Variants in SEMA5A observed in about 807,000 individuals in gnomAD.
SEMA5A encodes the protein semaphorin-5A.
A neutral mutation model predicts 135.5 loss-of-function variants in SEMA5A; 55 were observed. That is an observed-to-expected ratio of 0.41 (90% CI 0.33 to 0.51). The LOEUF (loss-of-function observed/expected upper bound fraction) is 0.51. SEMA5A is among the 20% of genes least tolerant of loss of function. SEMA5A has a pLI of 0.37. For synonymous variants in SEMA5A, 580 were observed against 546.5 expected, an observed-to-expected ratio of 1.06 and a Z score of -0.85; for missense variants, 1,290 against 1,419.9, an observed-to-expected ratio of 0.91 and a Z score of 1.47.
chr5:9,267,552 A>C (rs1646136263), intron 5 of SEMA5A, among the ~76,000 whole-genome samples: 1 of 152,160 alleles, frequency 6.6e-6, no homozygotes, highest in Admixed American at 6.5e-5. Context: ...CAGACCCTGA[A>C]ATCTTCCTCC....
intron 5 of SEMA5A, among the ~76,000 whole-genome samples, chr5:9,275,680 T>C (rs911885825): frequency 2.0e-5 from 3 of 152,132 alleles, no homozygotes; most frequent in African/African-American, 7.2e-5. Flanking sequence ...TGGTTCAACA[T>C]ACACAAATCA....
intron 5 of SEMA5A, among the ~76,000 whole-genome samples, chr5:9,242,997 T>C (rs921311290): frequency 6.6e-6 from 1 of 152,164 alleles, no homozygotes; most frequent in African/African-American, 2.4e-5. Flanking sequence ...TAACACCACA[T>C]TAAACTTACA....
At chr5:9,107,036 T>C (rs1007626385) in intron 16 of SEMA5A, among the ~76,000 whole-genome samples, 1 of 152,210 alleles carries the variant, frequency 6.6e-6, no homozygotes, top group Non-Finnish European at 1.5e-5. Context: ...GGTTTTTGCA[T>C]GTCACAAAAG....
chr5:9,253,627 T>C (rs1384226905), intron 5 of SEMA5A, among the ~76,000 whole-genome samples: 2 of 152,200 alleles, frequency 1.3e-5, no homozygotes, highest in Non-Finnish European at 2.9e-5. Flanking sequence ...TTTATGTTCC[T>C]ACTAATACAC....
chr5:9,386,962 C>T (rs187275644), intron 2 of SEMA5A, among the ~76,000 whole-genome samples: 7 of 152,300 alleles, frequency 4.6e-5, no homozygotes, highest in Admixed American at 3.9e-4. Flanking sequence ...GAGTCAAGGA[C>T]TCCCAGAATT....
At chr5:9,159,852 C>G (rs1743154224) in intron 11 of SEMA5A, among the ~76,000 whole-genome samples, 1 of 152,180 alleles carries the variant, frequency 6.6e-6, no homozygotes, top group Non-Finnish European at 1.5e-5. Flanking sequence ...TACATATACA[C>G]CATGGAATAC....
intron 8 of SEMA5A, among the ~76,000 whole-genome samples, chr5:9,209,263 C>A (rs1000346558): frequency 6.6e-6 from 1 of 152,190 alleles, no homozygotes; most frequent in African/African-American, 2.4e-5. Flanking sequence ...TGCTCTTATT[C>A]CATTCCAAGC....
intron 5 of SEMA5A, among the ~76,000 whole-genome samples, chr5:9,257,453 T>C (rs947920258): frequency 6.6e-6 from 1 of 151,896 alleles, no homozygotes; most frequent in Non-Finnish European, 1.5e-5. Context: ...AGATCTTTTT[T>C]TTTTCCATTC....
chr5:9,407,486 A>C (rs1756932931), intron 2 of SEMA5A, among the ~76,000 whole-genome samples: 1 of 152,222 alleles, frequency 6.6e-6, no homozygotes, highest in Admixed American at 6.5e-5. Flanking sequence ...TGGTAAATGA[A>C]GTGAACATTG....
rs148154413 is a variant in SEMA5A at position 9,341,014 on chromosome 5, A to G, written c.125-3202T>C. Among the ~76,000 whole-genome samples the G allele has an allele frequency of 1.2e-4, 19 of 152,156 alleles. No homozygotes were observed. The East Asian group carries it at 2.1e-3, about 17-fold the overall frequency. On this transcript the variant is annotated intron_variant, in intron 3 of 22. Transcript: ENST00000382496. ...CCTAGGCTTTCCTCTAAAATCTCCAATGTTACCTAGTCCCTTTCCCTCTGC... is the reference window on the plus strand; with the variant it reads ...CCTAGGCTTTCCTCTAAAATCTCCAGTGTTACCTAGTCCCTTTCCCTCTGC...
chr5:9,476,221 G>T (rs372333930), intron 1 of SEMA5A, among the ~76,000 whole-genome samples: 3 of 152,122 alleles, frequency 2.0e-5, no homozygotes, highest in Non-Finnish European at 2.9e-5. Flanking sequence ...ATCTACAATT[G>T]TGTAATTAGG....
intron 22 of SEMA5A, among the ~76,000 whole-genome samples, chr5:9,043,974 C>T (rs1048327645): frequency 2.0e-5 from 3 of 152,192 alleles, no homozygotes; most frequent in Admixed American, 6.5e-5. Flanking sequence ...GGCTTCCTCC[C>T]TACTCTAGGA....
intron 1 of SEMA5A, among the ~76,000 whole-genome samples, chr5:9,451,558 C>T (rs1227516401): frequency 6.6e-6 from 1 of 152,190 alleles, no homozygotes; most frequent in East Asian, 1.9e-4. Flanking sequence ...AGCTGCTTAT[C>T]TCAAAGGCTT....
chr5:9,102,750 G>A (rs1430023315), intron 16 of SEMA5A, among the ~76,000 whole-genome samples: 1 of 152,154 alleles, frequency 6.6e-6, no homozygotes, highest in African/African-American at 2.4e-5. Context: ...ACAATAAGCA[G>A]TGGTTTGTAG....
chr5:9,482,605 T>C (rs906543014), intron 1 of SEMA5A, among the ~76,000 whole-genome samples: 10 of 152,330 alleles, frequency 6.6e-5, no homozygotes, highest in African/African-American at 2.4e-4. Flanking sequence ...AAGAAGCCCT[T>C]ACCTGTGGTG....
chr5:9,365,638 T>G (rs376260646), intron 3 of SEMA5A, among the ~76,000 whole-genome samples: 1 of 152,132 alleles, frequency 6.6e-6, no homozygotes, highest in Admixed American at 6.5e-5. Context: ...TAAATGGTGG[T>G]TTTTTTCCAT....
chr5:9,048,774 A>G (rs901958100), intron 21 of SEMA5A, among the ~76,000 whole-genome samples: 2 of 152,216 alleles, frequency 1.3e-5, no homozygotes, highest in African/African-American at 4.8e-5. Flanking sequence ...ATAACATGTA[A>G]AACAGTGTAT....
intron 3 of SEMA5A, among the ~76,000 whole-genome samples, chr5:9,361,159 C>T (rs2126375004): frequency 6.6e-6 from 1 of 152,034 alleles, no homozygotes; most frequent in South Asian, 2.1e-4. Context: ...ATTAGCCGGG[C>T]AAGTTGGTGG....
intron 3 of SEMA5A, among the ~76,000 whole-genome samples, chr5:9,365,184 G>A (rs993025491): frequency 6.6e-6 from 1 of 152,194 alleles, no homozygotes. Flanking sequence ...CCGTAGTACG[G>A]ATCTTCCTTG....
Sources: gnomAD v4.1 joint callset for allele counts (sites outside exome capture counted in the v4.1 genomes callset) on GRCh38, gnomAD v4.1.1 for gene constraint, MANE v1.5 for transcripts, NCBI Gene and HGNC (gene_info 2026-07-23, HGNC 2026-07-21) for gene names.